ADAM18: variants seen among roughly 807,000 people sequenced by gnomAD.
ADAM18 encodes the protein disintegrin and metalloproteinase domain-containing protein 18.
Under a neutral mutation model 94.4 loss-of-function variants are expected in ADAM18, and 117 were observed. That is an observed-to-expected ratio of 1.24 (90% CI 1.07 to 1.45). The LOEUF (loss-of-function observed/expected upper bound fraction) is 1.45. ADAM18 is among the 40% of genes most tolerant of loss of function. The pLI is 0.00. For missense variants in ADAM18, 936 were observed against 880.0 expected, an observed-to-expected ratio of 1.06 and a Z score of -0.81; for synonymous variants, 327 against 291.6, an observed-to-expected ratio of 1.12 and a Z score of -1.24.
Position 39,609,514 on chromosome 8 carries a change from C to T in ADAM18, c.297C>T (p.Ala99=), listed in dbSNP as rs756914222. The T allele has an allele frequency of 2.8e-5, 45 of 1,610,816 alleles. No individual in the cohort carries two copies. Among genetic ancestry groups the T allele is most frequent in the Non-Finnish European group, 3.6e-5 (42 of 1,178,140 alleles). ...MMHCHYQGYA[A]EFPNSFVTLS... is the part of the protein sequence containing the mutation. Reference sequence around the variant, plus strand: ...ATTGCCATTACCAAGGATATGCTGCCGAATTTCCAAATTCATTTGTGACAC... The same window carrying T: ...ATTGCCATTACCAAGGATATGCTGCTGAATTTCCAAATTCATTTGTGACAC... Residue 99 remains alanine, a synonymous_variant, in exon 5 of 20, where the codon GCC becomes GCT. Transcript: ENST00000265707.
chr8:39,673,311 GTATTAT>G (rs145285000), intron 14 of ADAM18, among the ~76,000 whole-genome samples: 1 of 151,808 alleles, frequency 6.6e-6, no homozygotes, highest in African/African-American at 2.4e-5. Flanking sequence ...TTTGGCAAGT[GTATTAT>G]TATTATTATT....
At chr8:39,726,985 TA>T (rs961203841) in intron 19 of ADAM18, among the ~76,000 whole-genome samples, 198 of 152,348 alleles carry the variant, frequency 1.3e-3, no homozygotes, top group African/African-American at 4.6e-3. Context: ...GACATTCTTT[TA>T]CCAAAAGTAG....
intron 12 of ADAM18, among the ~76,000 whole-genome samples, chr8:39,653,843 C>T (rs1820609600): frequency 6.6e-6 from 1 of 152,144 alleles, no homozygotes; most frequent in Non-Finnish European, 1.5e-5. Flanking sequence ...CAATTCTTCT[C>T]TTCTAGCTAT....
At chr8:39,596,593 G>A (rs912049665) in intron 2 of ADAM18, among the ~76,000 whole-genome samples, 2 of 152,172 alleles carry the variant, frequency 1.3e-5, no homozygotes, top group African/African-American at 4.8e-5. Flanking sequence ...TGTGTTGGCT[G>A]CTTCTAAGAT....
chr8:39,594,355 A>C (rs1278639851), intron 2 of ADAM18, among the ~76,000 whole-genome samples: 1 of 152,198 alleles, frequency 6.6e-6, no homozygotes, highest in Non-Finnish European at 1.5e-5. Flanking sequence ...TTAATTTGGA[A>C]AACTCAATAT....
intron 10 of ADAM18, 49 bp from the exon 11 acceptor site, chr8:39,645,285 ATTAC>A: frequency 6.9e-7 from 1 of 1,455,412 alleles, no homozygotes; most frequent in Non-Finnish European, 9.4e-7. Context: ...ATTTCAAGTT[ATTAC>A]TTTTATTTTC....
At chr8:39,698,654 A>G (rs1423291958) in intron 17 of ADAM18, among the ~76,000 whole-genome samples, 1 of 152,034 alleles carries the variant, frequency 6.6e-6, no homozygotes, top group Non-Finnish European at 1.5e-5. Context: ...ACCTCCTTAA[A>G]TAATTTGCAA....
intron 12 of ADAM18, among the ~76,000 whole-genome samples, chr8:39,657,970 A>AT (rs1233877259): frequency 6.6e-6 from 1 of 152,200 alleles, no homozygotes; most frequent in Non-Finnish European, 1.5e-5. Context: ...TTAAATGAGA[A>AT]TTATATTGTA....
At chr8:39,633,314 G>C (rs1249603952) in intron 7 of ADAM18, among the ~76,000 whole-genome samples, 1 of 152,198 alleles carries the variant, frequency 6.6e-6, no homozygotes, top group Admixed American at 6.5e-5. Flanking sequence ...GTTGAAGCGG[G>C]AGCTGTTTTG....
chr8:39,590,436 C>T (rs985788577), intron 2 of ADAM18, among the ~76,000 whole-genome samples: 11 of 152,046 alleles, frequency 7.2e-5, no homozygotes, highest in South Asian at 2.1e-4. Flanking sequence ...GGACTGTTGT[C>T]GGGTGAGGGG....
intron 6 of ADAM18, among the ~76,000 whole-genome samples, chr8:39,627,324 C>T (rs1004498720): frequency 2.0e-5 from 3 of 151,966 alleles, no homozygotes; most frequent in East Asian, 1.9e-4. Context: ...AGGGAACTCC[C>T]GCAGAAGATC....
At chr8:39,632,629 G>A (rs1222249212) in intron 7 of ADAM18, among the ~76,000 whole-genome samples, 1 of 151,948 alleles carries the variant, frequency 6.6e-6, no homozygotes, top group African/African-American at 2.4e-5. Flanking sequence ...TTCTTATAAT[G>A]ATTTTTCTTC....
chr8:39,610,385 A>G (rs543254937), intron 5 of ADAM18, 144 bp from the exon 6 acceptor site: 6 of 1,137,762 alleles, frequency 5.3e-6, no homozygotes, highest in Non-Finnish European at 6.9e-6. Context: ...CTGCCCCCCC[A>G]AAAAATAATG....
Position 39,629,440 on chromosome 8 carries a change from G to A in ADAM18, c.588+1G>A, listed in dbSNP as rs1819871281. 1.3e-6 allele frequency: 2 copies of A among 1,568,462 alleles called. No homozygotes were observed. Among genetic ancestry groups the A allele is most frequent in the South Asian group, 1.2e-5 (1 of 83,714 alleles). On this transcript the variant is annotated splice_donor_variant, in intron 7 of 19. Coordinates refer to ENST00000265707, the MANE Select transcript of ADAM18 (RefSeq NM_014237.3). LOFTEE classifies it high-confidence loss of function. ...ATACATTATAGTGGAAAAAGCTTTGGTAAGTATGCTTTCAAGAGGTCTTTC... is the reference window on the plus strand; with the variant it reads ...ATACATTATAGTGGAAAAAGCTTTGATAAGTATGCTTTCAAGAGGTCTTTC...
intron 10 of ADAM18, among the ~76,000 whole-genome samples, chr8:39,645,065 T>A (rs988012677): frequency 1.6e-4 from 24 of 152,316 alleles, no homozygotes; most frequent in African/African-American, 5.0e-4. Context: ...AATAAACATG[T>A]TGTATTGTAT....
intron 3 of ADAM18, 61 bp downstream of exon 3, chr8:39,606,423 C>T (rs539166707): frequency 8.8e-7 from 1 of 1,133,840 alleles, no homozygotes; most frequent in Non-Finnish European, 1.3e-6. Context: ...GATTTTACAG[C>T]CTTAAAGTTT....
chr8:39,621,314 C>CAA (rs2129578810), intron 6 of ADAM18, among the ~76,000 whole-genome samples: 1 of 63,138 alleles, frequency 1.6e-5, no homozygotes, highest in Non-Finnish European at 3.1e-5. Flanking sequence ...CAAAATCACA[C>CAA]ACACACACAC....
At chr8:39,630,751 A>G (rs550201814) in intron 7 of ADAM18, among the ~76,000 whole-genome samples, 3 of 152,046 alleles carry the variant, frequency 2.0e-5, no homozygotes, top group South Asian at 4.1e-4. Flanking sequence ...TCTGCCTAGG[A>G]GTGAAATTGT....
At chr8:39,611,521 G>A in intron 6 of ADAM18, 3 of 985,078 alleles carry the variant, frequency 3.0e-6, no homozygotes, top group Non-Finnish European at 3.6e-6. Context: ...CGATTTTGTA[G>A]TTCATTATTG....
Sources: allele counts gnomAD v4.1 joint callset (sites outside exome capture counted in the v4.1 genomes callset), GRCh38; gene constraint gnomAD v4.1.1; transcripts MANE v1.5; gene names NCBI Gene and HGNC (gene_info 2026-07-23, HGNC 2026-07-21).